DDX60: variants seen among roughly 807,000 people sequenced by gnomAD.
DDX60 encodes the protein DExD/H-box helicase 60, also known as probable ATP-dependent RNA helicase DDX60.
In DDX60, 165 loss-of-function variants were observed where a neutral mutation model predicts 212.8. That is an observed-to-expected ratio of 0.78 (90% confidence interval 0.68 to 0.88). The LOEUF is 0.88. DDX60 is among the 40% of genes least tolerant of loss of function. DDX60 has a pLI of 0.00. For missense variants in DDX60, 1,905 were observed against 2,003.9 expected (o/e 0.95, Z 0.94); for synonymous variants, 703 against 685.3 (o/e 1.03, Z -0.40).
At chr4:168,279,629 G>A (rs1735502462) in intron 14 of DDX60, among the ~76,000 whole-genome samples, 1 of 152,180 alleles carries the variant, frequency 6.6e-6, no homozygotes, top group Non-Finnish European at 1.5e-5. Context: ...GACTTCCTGG[G>A]GATCAATGGA....
At chr4:168,323,635 T>G (rs1351337730), upstream of DDX60, among the ~76,000 whole-genome samples, 1 of 152,200 alleles carries the variant, frequency 6.6e-6, no homozygotes, top group Non-Finnish European at 1.5e-5. Context: ...AGAAATGTCC[T>G]CGTGAGGGCT....
At chr4:168,285,969 T>TGAAAGAAAGAAA (rs149956197) in intron 10 of DDX60, among the ~76,000 whole-genome samples, 135 of 111,000 alleles carry the variant, frequency 1.2e-3, no homozygotes, top group Admixed American at 1.6e-3. Context: ...AAGGAAAGAA[T>TGAAAGAAAGAAA]GAAAGAAAGA....
chr4:168,221,215 C>T (rs1299041914), intron 36 of DDX60, among the ~76,000 whole-genome samples: 1 of 152,086 alleles, frequency 6.6e-6, no homozygotes, highest in Admixed American at 6.6e-5. Flanking sequence ...TGCCCCTCCC[C>T]AAATCTATGT....
At position 168,289,387 on chromosome 4, in the gene DDX60, C is replaced by A. The variant is rs189690402; in HGVS notation, c.1042-1072G>T. ...TCTCCTTGATTTTATTCCCATCTAT[C>A]TAAGTAGTTCCTTCTCAGTATCTTT... On this transcript the variant is annotated intron_variant, in intron 8 of 37. Transcript: ENST00000393743. Among the ~76,000 whole-genome samples, 110 of 152,322 alleles carry A rather than the reference C, an allele frequency of 7.2e-4. 1 individual carries two copies. The highest frequency in any genetic ancestry group is 2.6e-3 in the African/African-American group (108 of 41,574).
intron 8 of DDX60, among the ~76,000 whole-genome samples, chr4:168,289,500 A>G (rs1735995106): frequency 6.6e-6 from 1 of 152,158 alleles, no homozygotes; most frequent in African/African-American, 2.4e-5. Context: ...CTCTCTTCCA[A>G]AATAATTTCA....
At chr4:168,296,237 C>T (rs1736337083) in intron 6 of DDX60, among the ~76,000 whole-genome samples, 1 of 151,686 alleles carries the variant, frequency 6.6e-6, no homozygotes, top group African/African-American at 2.4e-5. Context: ...TATATCAAAA[C>T]AAAACGTTGT....
intron 32 of DDX60, 145 bp downstream of exon 32, chr4:168,237,141 A>T: frequency 1.9e-6 from 1 of 518,044 alleles, no homozygotes; most frequent in Non-Finnish European, 3.0e-6. Flanking sequence ...GTAGGTATTT[A>T]CTTTATCAAT....
At chr4:168,283,352 T>C (rs1735676541) in intron 13 of DDX60, 94 bp downstream of exon 13, 2 of 1,034,694 alleles carry the variant, frequency 1.9e-6, no homozygotes, top group African/African-American at 3.2e-5. Flanking sequence ...AGAAAAGGCA[T>C]TATATAAAAA....
In DDX60 at chr4:168,299,157, C is replaced by CAAAAAAAAAAA. The variant is rs1197872492; in HGVS notation, c.723+3132_723+3142dup. 3.5e-3 allele frequency among the ~76,000 whole-genome samples: 218 copies of CAAAAAAAAAAA among 61,928 alleles called. 3 individuals carry two copies. Among genetic ancestry groups the CAAAAAAAAAAA allele is most frequent in the Non-Finnish European group, 4.0e-3 (137 of 34,018 alleles). The allele number at this position is 61,928 out of a possible 152,430, so 40.6% of individuals were successfully genotyped here. ...GCCTGGCGACAGAGCGAGACTGTCT[C>CAAAAAAAAAAA]AAAAAAAAAAAAAAAAAAAAAAAAA... On this transcript the variant is annotated intron_variant, in intron 6 of 37. Transcript: ENST00000393743.
At position 168,255,843 on chromosome 4, in the gene DDX60, G is replaced by C; in HGVS notation, c.3425C>G (p.Ala1142Gly). 1 of 1,594,150 alleles carries C rather than the reference G, an allele frequency of 6.3e-7. No homozygotes were observed. The highest frequency in any genetic ancestry group is 1.2e-5 in the South Asian group (1 of 86,290). ...TAGGAAAGTGCTCACACTTTCAGCTGCGTTTTCTACAGCTCCTAACTTGAA... is the reference window on the plus strand; with the variant it reads ...TAGGAAAGTGCTCACACTTTCAGCTCCGTTTTCTACAGCTCCTAACTTGAA... ...FLFKLGAVEN[A>G]AESVSTFLKK... Residue 1142 changes from alanine to glycine, a missense_variant, in exon 26 of 38, where the codon GCA becomes GGA. By Grantham distance (60) the Ala-to-Gly change is moderately conservative. Coordinates refer to ENST00000393743, the MANE Select transcript of DDX60 (RefSeq NM_017631.6).
Position 168,311,075 on chromosome 4 carries a change from T to TA in DDX60, c.5-9dup, listed in dbSNP as rs752636248. The TA allele has an allele frequency of 1.6e-4, 235 of 1,508,952 alleles. 1 individual carries two copies. Among genetic ancestry groups the TA allele is most frequent in the East Asian group, 5.1e-4 (22 of 43,510 alleles). 93.5% of individuals were successfully genotyped at this position (1,508,952 alleles called of 1,614,324 possible). A position where few individuals can be genotyped will look rare whatever the true frequency, so the allele number is the denominator to read the frequency against. On this transcript the variant is annotated splice_polypyrimidine_tract_variant and intron_variant, in intron 2 of 37. Transcript: ENST00000393743. Reference sequence around the variant, plus strand: ...TTGTAAGAACATTTCTTTCTAAATTTAAAAAAAAAGAGAGAAAGAGAATGG... The same window carrying TA: ...TTGTAAGAACATTTCTTTCTAAATTTAAAAAAAAAAGAGAGAAAGAGAATGG...
At chr4:168,324,912 G>A in the DDX60 span, among the ~76,000 whole-genome samples, 1 of 152,212 alleles carries the variant, frequency 6.6e-6, no homozygotes, top group Non-Finnish European at 1.5e-5. Flanking sequence ...AGGCTGCTGA[G>A]GTATATCCAC....
intron 25 of DDX60, among the ~76,000 whole-genome samples, chr4:168,258,534 G>C (rs773321624): frequency 1.3e-5 from 2 of 152,058 alleles, no homozygotes; most frequent in Non-Finnish European, 2.9e-5. Context: ...AAAATCCTCA[G>C]ATCTCTTGAT....
chr4:168,290,461 T>A (rs2149534100), intron 8 of DDX60, among the ~76,000 whole-genome samples: 1 of 151,964 alleles, frequency 6.6e-6, no homozygotes, highest in Non-Finnish European at 1.5e-5. Context: ...CCCGAGCAGC[T>A]GGGACTACAG....
intron 33 of DDX60, among the ~76,000 whole-genome samples, chr4:168,227,803 T>A (rs28689736): frequency 6.6e-6 from 1 of 151,878 alleles, no homozygotes; most frequent in East Asian, 1.9e-4. Flanking sequence ...GTCCATTTTA[T>A]GTCTTTTTTA....
intron 19 of DDX60, among the ~76,000 whole-genome samples, chr4:168,270,588 T>C (rs1413582767): frequency 6.6e-6 from 1 of 152,226 alleles, no homozygotes; most frequent in Non-Finnish European, 1.5e-5. Context: ...AATTCAAAGT[T>C]CTAGATTGCA....
At position 168,225,601 on chromosome 4, in the gene DDX60, T is replaced by C; in HGVS notation, c.4609A>G (p.Thr1537Ala). The change falls in exon 34 of 38, where the codon ACC becomes GCC. Residue 1537 changes from threonine (T) to alanine (A), a missense_variant. Coordinates refer to ENST00000393743, the MANE Select transcript of DDX60 (RefSeq NM_017631.6). ...EYNMKIMEDFTTFLRIVSKLA... is the reference protein window; with the variant it reads ...EYNMKIMEDFATFLRIVSKLA... ...TTGGAAACAATTCGTAGGAAAGTGG[T>C]AAAGTCCTCCATAATTTTCATGTTA... 1 of 1,611,716 alleles carries C rather than the reference T, an allele frequency of 6.2e-7. No individual in the cohort carries two copies. Among genetic ancestry groups the C allele is most frequent in the Non-Finnish European group, 8.5e-7 (1 of 1,178,824 alleles).
At chr4:168,217,148 G>T in intron 37 of DDX60, 116 bp from the exon 38 acceptor site, 1 of 625,706 alleles carries the variant, frequency 1.6e-6, no homozygotes, top group Non-Finnish European at 2.8e-6. Flanking sequence ...AATTATGTTA[G>T]CAAAATATGA....
chr4:168,257,244 G>A (rs973282751), intron 25 of DDX60, among the ~76,000 whole-genome samples: 10 of 152,160 alleles, frequency 6.6e-5, no homozygotes, highest in Admixed American at 5.2e-4. Context: ...GGGAGGTGGA[G>A]GTTGCAGTGA....
Sources: allele counts gnomAD v4.1 joint callset (sites outside exome capture counted in the v4.1 genomes callset), GRCh38; gene constraint gnomAD v4.1.1; transcripts MANE v1.5; gene names NCBI Gene and HGNC (gene_info 2026-07-23, HGNC 2026-07-21).